Variants in CACNA2D1 observed in about 807,000 individuals in gnomAD.
CACNA2D1 encodes the protein calcium voltage-gated channel auxiliary subunit alpha2delta 1.
A neutral mutation model predicts 171.5 loss-of-function variants in CACNA2D1; 53 were observed. The ratio of observed to expected loss-of-function variants is 0.31; its 90% CI spans 0.25 to 0.39. CACNA2D1 has a LOEUF of 0.39. CACNA2D1 is among the 10% of genes least tolerant of loss of function. The pLI is 1.00. For synonymous variants in CACNA2D1, 442 were observed against 443.1 expected, an observed-to-expected ratio of 1.00 and a Z score of 0.03; for missense variants, 903 against 1,299.8, an observed-to-expected ratio of 0.69 and a Z score of 4.69.
intron 4 of CACNA2D1, among the ~76,000 whole-genome samples, chr7:82,147,716 T>A (rs1793307526): frequency 6.6e-6 from 1 of 152,174 alleles, no homozygotes; most frequent in Non-Finnish European, 1.5e-5. Context: ...TTAATCATTA[T>A]CAACTCCAGA....
intron 10 of CACNA2D1, among the ~76,000 whole-genome samples, chr7:82,045,383 A>T (rs1381026258): frequency 6.6e-6 from 1 of 152,112 alleles, no homozygotes; most frequent in Non-Finnish European, 1.5e-5. Flanking sequence ...CTATGAGCCT[A>T]TTCCTTTACT....
At chr7:82,292,818 T>C (rs1021686399) in intron 3 of CACNA2D1, among the ~76,000 whole-genome samples, 2 of 152,244 alleles carry the variant, frequency 1.3e-5, no homozygotes, top group Non-Finnish European at 1.5e-5. Flanking sequence ...GTATATATAA[T>C]TTAAATAAAC....
chr7:82,340,630 T>A (rs17263943), intron 2 of CACNA2D1, among the ~76,000 whole-genome samples: 18,769 of 152,188 alleles, frequency 0.12, 1,321 homozygotes, highest in Non-Finnish European at 0.15. Context: ...TAGATTCTGA[T>A]GAATATGAAA....
intron 4 of CACNA2D1, among the ~76,000 whole-genome samples, chr7:82,154,170 A>G (rs950708721): frequency 5.3e-5 from 8 of 152,242 alleles, no homozygotes; most frequent in African/African-American, 1.7e-4. Flanking sequence ...GATGCTTCAC[A>G]TAACGTCTGT....
intron 3 of CACNA2D1, among the ~76,000 whole-genome samples, chr7:82,281,537 A>G (rs1214232575): frequency 6.6e-6 from 1 of 152,210 alleles, no homozygotes; most frequent in Non-Finnish European, 1.5e-5. Flanking sequence ...AGTTTCACAT[A>G]GATTAAAAAG....
intron 7 of CACNA2D1, among the ~76,000 whole-genome samples, chr7:82,073,285 T>TA (rs1327551793): frequency 6.6e-6 from 1 of 152,158 alleles, no homozygotes; most frequent in African/African-American, 2.4e-5. Context: ...ACTGATCCTC[T>TA]AAAATTCTAC....
chr7:82,012,254 G>A lies in CACNA2D1; in HGVS notation c.1273-11C>T, dbSNP rs1410751702. ...AACATCCAAATATTCCTGTTTATGG[G>A]AAAAAAAAAAAAAGTCGTGGTTAAA... On this transcript the variant is annotated splice_polypyrimidine_tract_variant and intron_variant, in intron 14 of 38. Transcript: ENST00000356860. 588 of 1,224,152 alleles carry A rather than the reference G, an allele frequency of 4.8e-4. No homozygotes were observed. The highest frequency in any genetic ancestry group is 5.9e-4 in the Admixed American group (32 of 53,826). 75.8% of individuals were successfully genotyped at this position (1,224,152 alleles called of 1,614,324 possible).
chr7:82,310,122 C>G (rs1814246874), intron 3 of CACNA2D1, among the ~76,000 whole-genome samples: 1 of 151,860 alleles, frequency 6.6e-6, no homozygotes, highest in African/African-American at 2.4e-5. Context: ...GAAAACATAT[C>G]TTTCTTACAA....
intron 4 of CACNA2D1, among the ~76,000 whole-genome samples, chr7:82,142,398 T>C (rs1453729689): frequency 2.0e-5 from 3 of 152,114 alleles, no homozygotes; most frequent in Non-Finnish European, 4.4e-5. Context: ...CTTTCCATCT[T>C]AAAAATGTAT....
At chr7:82,397,413 C>T (rs191570745) in intron 1 of CACNA2D1, among the ~76,000 whole-genome samples, 62 of 151,942 alleles carry the variant, frequency 4.1e-4, no homozygotes, top group African/African-American at 1.5e-3. Context: ...TTTGGTCCTT[C>T]GTTTTTTTTC....
At chr7:82,404,731 T>C (rs1017508737) in intron 1 of CACNA2D1, among the ~76,000 whole-genome samples, 1 of 152,060 alleles carries the variant, frequency 6.6e-6, no homozygotes, top group Non-Finnish European at 1.5e-5. Context: ...GAAAAGAAAA[T>C]CATAAAACTG....
chr7:82,222,502 T>C (rs1227187095), intron 3 of CACNA2D1, among the ~76,000 whole-genome samples: 2 of 152,284 alleles, frequency 1.3e-5, no homozygotes, highest in Non-Finnish European at 2.9e-5. Flanking sequence ...ACCAAGAGTA[T>C]TGGGAGCAAA....
Position 82,005,070 on chromosome 7 carries a change from A to T in CACNA2D1, c.1590+353T>A, listed in dbSNP as rs1162343235. On this transcript the variant is annotated intron_variant, in intron 18 of 38. Coordinates refer to ENST00000356860, the MANE Select transcript of CACNA2D1 (RefSeq NM_000722.4). Reference sequence around the variant, plus strand: ...GAAAATGTGGCCTGGACATAAATAAACATTACTAATATTTATCAGGTTCAC... The same window carrying T: ...GAAAATGTGGCCTGGACATAAATAATCATTACTAATATTTATCAGGTTCAC... 2.0e-5 allele frequency among the ~76,000 whole-genome samples: 3 copies of T among 152,240 alleles called. No individual in the cohort carries two copies. In the East Asian group the frequency reaches 5.8e-4, roughly 29 times the overall value.
chr7:82,372,825 TAC>T (rs1488841565), intron 1 of CACNA2D1, among the ~76,000 whole-genome samples: 1 of 152,176 alleles, frequency 6.6e-6, no homozygotes, highest in Non-Finnish European at 1.5e-5. Context: ...GAGAATGGTT[TAC>T]AGTTTCCTCT....
chr7:81,960,342 T>TTGGGCACTTAAAA (rs1308321081), intron 36 of CACNA2D1, among the ~76,000 whole-genome samples: 1 of 152,052 alleles, frequency 6.6e-6, no homozygotes, highest in African/African-American at 2.4e-5. Flanking sequence ...CTCGAGGGTA[T>TTGGGCACTTAAAA]TGGGCACTTA....
At chr7:82,302,493 C>T (rs1352086557) in intron 3 of CACNA2D1, among the ~76,000 whole-genome samples, 8 of 150,432 alleles carry the variant, frequency 5.3e-5, no homozygotes, top group Non-Finnish European at 7.4e-5. Context: ...TCATGGCTGG[C>T]GACCTCTGCC....
At chr7:82,326,699 A>C (rs1355341167) in intron 3 of CACNA2D1, among the ~76,000 whole-genome samples, 2 of 112,034 alleles carry the variant, frequency 1.8e-5, no homozygotes, top group African/African-American at 5.7e-5. Flanking sequence ...TAACTTCTTA[A>C]ATTTCTGTCC....
At chr7:82,121,377 A>G (rs1386367332) in intron 5 of CACNA2D1, among the ~76,000 whole-genome samples, 2 of 152,140 alleles carry the variant, frequency 1.3e-5, no homozygotes, top group African/African-American at 2.4e-5. Flanking sequence ...CATTTTTGGT[A>G]AATCTCTTGG....
At position 82,174,067 on chromosome 7, in the gene CACNA2D1, A is replaced by AG. The variant is rs1491546408; in HGVS notation, c.295-3459_295-3458insC. On this transcript the variant is annotated intron_variant, in intron 3 of 38. Coordinates refer to ENST00000356860, the MANE Select transcript of CACNA2D1 (RefSeq NM_000722.4). Reference sequence around the variant, plus strand: ...CAAAAAAAAAAAAAAAAAAAAAAAAAAGACACAAAATACCCAATAAAATGT... The same window carrying AG: ...CAAAAAAAAAAAAAAAAAAAAAAAAAGAGACACAAAATACCCAATAAAATGT... Among the ~76,000 whole-genome samples, 905 of 139,780 alleles carry AG rather than the reference A, an allele frequency of 6.5e-3. 39 individuals are homozygous for AG. The highest frequency in any genetic ancestry group is 0.024 in the African/African-American group (870 of 36,342). The allele number at this position is 139,780 out of a possible 152,430, so 91.7% of individuals were successfully genotyped here.
Sources: allele counts gnomAD v4.1 joint callset (sites outside exome capture counted in the v4.1 genomes callset), GRCh38; gene constraint gnomAD v4.1.1; transcripts MANE v1.5; gene names NCBI Gene and HGNC (gene_info 2026-07-23, HGNC 2026-07-21).